Variants in AK9 observed in about 807,000 individuals in gnomAD.
AK9 encodes adenylate kinase domain containing 1.
In AK9, 191 loss-of-function variants were observed where a neutral mutation model predicts 239.6. That is an observed-to-expected ratio of 0.80 (90% CI 0.71 to 0.90). AK9 has a LOEUF of 0.90. AK9 is among the 40% of genes least tolerant of loss of function. AK9 has a pLI of 0.00. For synonymous variants in AK9, 689 were observed against 721.0 expected (o/e 0.96, Z 0.71); for missense variants, 1,995 against 2,214.7 (o/e 0.90, Z 1.99).
chr6:109,543,259 G>GT (rs1783114645), intron 26 of AK9, among the ~76,000 whole-genome samples: 1 of 151,956 alleles, frequency 6.6e-6, no homozygotes, highest in Non-Finnish European at 1.5e-5. Flanking sequence ...AATAGCTAAG[G>GT]TATGATAAAC....
intron 10 of AK9, among the ~76,000 whole-genome samples, chr6:109,633,611 T>G (rs886170448): frequency 6.6e-6 from 1 of 152,186 alleles, no homozygotes; most frequent in African/African-American, 2.4e-5. Flanking sequence ...ATTTCTATCA[T>G]ATGGTAAAAT....
intron 5 of AK9, among the ~76,000 whole-genome samples, chr6:109,664,608 A>G (rs1183403645): frequency 6.6e-6 from 1 of 151,682 alleles, no homozygotes; most frequent in East Asian, 2.0e-4. Flanking sequence ...TATTTTCAGT[A>G]GAGACAGGGT....
chr6:109,563,792 A>C, intron 23 of AK9, 80 bp from the exon 24 acceptor site: 1 of 1,386,576 alleles, frequency 7.2e-7, no homozygotes, highest in Non-Finnish European at 9.7e-7. Flanking sequence ...AAATGTTGGG[A>C]AAATTGATTA....
rs1354890894 is a variant in AK9, at chr6:109,549,957, C to T, written c.2964+133G>A. 4.0e-6 allele frequency: 4 copies of T among 999,578 alleles called. No homozygotes were observed. In the African/African-American group the frequency reaches 6.6e-5, roughly 17 times the overall value. 61.9% of individuals were successfully genotyped at this position (999,578 alleles called of 1,614,324 possible). ...GGGATTACAGGCGTGAGCCACCGCG[C>T]CCGGCCTAGATATTTTCTTTATATT... On this transcript the variant is annotated intron_variant, in intron 25 of 40. Transcript: ENST00000424296.
At chr6:109,644,209 A>G (rs992602466) in intron 9 of AK9, among the ~76,000 whole-genome samples, 4 of 152,132 alleles carry the variant, frequency 2.6e-5, no homozygotes, top group African/African-American at 7.2e-5. Flanking sequence ...TTGGGTTCCA[A>G]TTTCTCCACA....
chr6:109,621,677 G>A (rs1247214216), intron 12 of AK9, among the ~76,000 whole-genome samples: 6 of 121,184 alleles, frequency 5.0e-5, no homozygotes, highest in Non-Finnish European at 8.4e-5. Context: ...TCACTCATAG[G>A]TGGGAATTGA....
intron 8 of AK9, among the ~76,000 whole-genome samples, chr6:109,647,830 T>C (rs1798295916): frequency 6.6e-6 from 1 of 152,060 alleles, no homozygotes. Flanking sequence ...ACTGACCACA[T>C]AGTTGGAAGT....
chr6:109,602,001 C>T (rs1455643920), intron 17 of AK9, among the ~76,000 whole-genome samples: 1 of 152,190 alleles, frequency 6.6e-6, no homozygotes, highest in Admixed American at 6.5e-5. Context: ...CTGAATACAG[C>T]ACACTGATGG....
chr6:109,509,982 G>A (rs1358632825), intron 32 of AK9, among the ~76,000 whole-genome samples: 4 of 152,114 alleles, frequency 2.6e-5, no homozygotes, highest in Non-Finnish European at 5.9e-5. Context: ...TCTGCTCCTG[G>A]CCCTACTCCC....
chr6:109,550,239 C>G lies in AK9; in HGVS notation c.2815G>C (p.Val939Leu). The G allele has an allele frequency of 1.2e-6, 2 of 1,613,298 alleles. No homozygotes were observed. The highest frequency in any genetic ancestry group is 1.7e-5 in the Admixed American group (1 of 60,004). ...TGCAGGATGAAGTTTTCTTTGAGGA[C>G]CACCGGACAAAAGTGTTTTGTGTCT... ...LGDTKHFCPV[V>L]LKENFILQPG... The change falls in exon 25 of 41, where the codon GTC becomes CTC. Residue 939 changes from valine to leucine, a missense_variant. By Grantham distance (32) the Val-to-Leu change is conservative. Transcript: ENST00000424296.
chr6:109,639,932 T>A (rs914699425), intron 10 of AK9, among the ~76,000 whole-genome samples: 1 of 152,186 alleles, frequency 6.6e-6, no homozygotes, highest in Admixed American at 6.5e-5. Flanking sequence ...TTGTTTTGGT[T>A]AGGTTTGTCA....
intron 21 of AK9, 125 bp downstream of exon 21, chr6:109,573,317 C>CT (rs1787664003): frequency 1.9e-6 from 2 of 1,061,168 alleles, no homozygotes; most frequent in South Asian, 4.9e-5. Context: ...TGGCTGCTCT[C>CT]TGGGGGCTCA....
intron 25 of AK9, among the ~76,000 whole-genome samples, chr6:109,547,406 C>G (rs1224738870): frequency 2.6e-5 from 4 of 152,134 alleles, no homozygotes; most frequent in Non-Finnish European, 5.9e-5. Flanking sequence ...ACACTTATAG[C>G]CAACTCATTT....
chr6:109,653,919 C>A (rs1318571831), intron 8 of AK9, among the ~76,000 whole-genome samples: 2 of 152,132 alleles, frequency 1.3e-5, no homozygotes, highest in Non-Finnish European at 2.9e-5. Flanking sequence ...AATACAAAAT[C>A]CAATATCTAC....
intron 10 of AK9, among the ~76,000 whole-genome samples, chr6:109,635,907 C>G (rs17070774): frequency 0.02 from 3,064 of 152,298 alleles, 82 homozygotes; most frequent in East Asian, 0.11. Flanking sequence ...GCCAACCCTG[C>G]CCCTGCAATG....
At chr6:109,510,746 A>G (rs1582773729) in intron 32 of AK9, among the ~76,000 whole-genome samples, 1 of 152,214 alleles carries the variant, frequency 6.6e-6, no homozygotes, top group East Asian at 1.9e-4. Flanking sequence ...CAGGACAAGA[A>G]TTTGGGCAAA....
intron 10 of AK9, among the ~76,000 whole-genome samples, chr6:109,637,230 T>G (rs905279632): frequency 6.6e-6 from 1 of 152,230 alleles, no homozygotes; most frequent in African/African-American, 2.4e-5. Flanking sequence ...CTTTGCCCAT[T>G]TTTGAACTGG....
intron 16 of AK9, among the ~76,000 whole-genome samples, chr6:109,610,929 G>A (rs903338943): frequency 1.3e-5 from 2 of 152,174 alleles, no homozygotes; most frequent in Non-Finnish European, 2.9e-5. Flanking sequence ...CAAGAGGTAG[G>A]CAAGTTGGAG....
intron 18 of AK9, 85 bp from the exon 19 acceptor site, chr6:109,585,322 A>G: frequency 2.1e-6 from 1 of 478,210 alleles, no homozygotes; most frequent in African/African-American, 2.0e-5. Flanking sequence ...CACAAACATT[A>G]TTTCTGCTTA....
Sources: allele counts gnomAD v4.1 joint callset (sites outside exome capture counted in the v4.1 genomes callset), GRCh38; gene constraint gnomAD v4.1.1; transcripts MANE v1.5; gene names NCBI Gene and HGNC (gene_info 2026-07-23, HGNC 2026-07-21).